The following TRIP12 variants were observed in gnomAD, a reference collection of about 807,000 sequenced individuals.
TRIP12 encodes E3 ubiquitin-protein ligase TRIP12.
TRIP12 carries 25 observed loss-of-function variants against 244.2 expected under a neutral mutation model. That is an observed-to-expected ratio of 0.10 (90% CI 0.07 to 0.14). The LOEUF is 0.14. TRIP12 is among the 10% of genes least tolerant of loss of function. The probability of loss-of-function intolerance (pLI) is 1.00; values close to 1 mark genes in which losing one functional copy is unlikely to be tolerated. For synonymous variants in TRIP12, 905 were observed against 873.1 expected (o/e 1.04, Z -0.64); for missense variants, 1,677 against 2,486.4 (o/e 0.67, Z 6.92).
rs2031297443 is a variant in TRIP12, at chr2:229,764,805, T to C, written c.*2749A>G. ...TTGAAGGCACCACTCCTTTCCATGT[T>C]ATGCACCTAACTCAAACCCAGTAAA... On this transcript the variant is annotated 3_prime_UTR_variant, in exon 42 of 42. Coordinates refer to ENST00000675903, the MANE Select transcript of TRIP12 (RefSeq NM_001348323.3). 1 of 152,252 alleles carries C rather than the reference T, an allele frequency of 6.6e-6. No individual in the cohort carries two copies. The highest frequency in any genetic ancestry group is 2.4e-5 in the African/African-American group (1 of 41,452). The allele number at this position is 152,252 out of a possible 1,614,324, so 9.4% of individuals were successfully genotyped here.
chr2:229,872,104 TAAAAAAAAAAAA>T (rs34496202), intron 2 of TRIP12, among the ~76,000 whole-genome samples: 2,989 of 105,270 alleles, frequency 0.028, 72 homozygotes, highest in African/African-American at 0.044. Context: ...ACAGATATTG[TAAAAAAAAAAAA>T]AAAAAAAAAA....
At chr2:229,862,712 G>A (rs1439787202) in intron 2 of TRIP12, among the ~76,000 whole-genome samples, 1 of 152,144 alleles carries the variant, frequency 6.6e-6, no homozygotes, top group Non-Finnish European at 1.5e-5. Flanking sequence ...GGTGAGGTCT[G>A]GGGCAGCAGC....
intron 17 of TRIP12, 71 bp from the exon 18 acceptor site, chr2:229,805,954 C>T: frequency 8.0e-7 from 1 of 1,256,638 alleles, no homozygotes; most frequent in Non-Finnish European, 1.1e-6. Flanking sequence ...ACAGTGGGGA[C>T]CCTCCAAATA....
At chr2:229,881,914 T>A (rs2064964494) in intron 1 of TRIP12, among the ~76,000 whole-genome samples, 1 of 152,188 alleles carries the variant, frequency 6.6e-6, no homozygotes, top group Admixed American at 6.5e-5. Flanking sequence ...ATGGAAGAAA[T>A]CATTTTTGTT....
In TRIP12 at chr2:229,859,014, G is replaced by A. The variant is rs2154335966; in HGVS notation, c.785C>T (p.Ala262Val). The part of the protein sequence containing the change: ...ASASSTVPPG[A>V]RVKQGKDQNK... ...CTGATCTTTTCCTTGTTTCACTCTG[G>A]CACCTGGTGGTACAGTGGAGGAGGC... is the stretch of plus-strand genomic sequence containing the variant. Residue 262 changes from alanine to valine, a missense_variant, in exon 4 of 42, where the codon GCC becomes GTC. Around this residue, in one of 11 missense-constraint regions of TRIP12, gnomAD observed 387 missense variants for 392.6 expected, o/e 0.99. Coordinates refer to ENST00000675903, the MANE Select transcript of TRIP12 (RefSeq NM_001348323.3). 6.2e-7 allele frequency: 1 copy of A among 1,614,190 alleles called. No homozygotes were observed. The highest frequency in any genetic ancestry group is 8.5e-7 in the Non-Finnish European group (1 of 1,180,042).
At chr2:229,809,702 CAGG>C (rs2046797684) in intron 15 of TRIP12, among the ~76,000 whole-genome samples, 1 of 151,948 alleles carries the variant, frequency 6.6e-6, no homozygotes, top group Admixed American at 6.6e-5. Context: ...GCACTTTCTT[CAGG>C]ACCACTCAAA....
At position 229,778,609 on chromosome 2, in the gene TRIP12, A is replaced by T. The variant is rs767221808; in HGVS notation, c.5210-22T>A. 1.2e-6 allele frequency: 2 copies of T among 1,600,598 alleles called. No homozygotes were observed. The highest frequency in any genetic ancestry group is 1.7e-6 in the Non-Finnish European group (2 of 1,173,624). On this transcript the variant is annotated intron_variant, in intron 35 of 41. Coordinates refer to ENST00000675903, the MANE Select transcript of TRIP12 (RefSeq NM_001348323.3). The surrounding 1 kb of genome is among the most constrained non-coding windows in gnomAD (Gnocchi z 4.1). ...CTCCCTGAAAAACAAGCAATGCAGC[A>T]AACTTCAGATGATGTTTCCAAAAAC...
intron 2 of TRIP12, among the ~76,000 whole-genome samples, 192 bp downstream of exon 2, chr2:229,879,790 T>G (rs2064435125): frequency 6.6e-6 from 1 of 152,242 alleles, no homozygotes; most frequent in African/African-American, 2.4e-5. Flanking sequence ...ACTACTTCTT[T>G]GAGTCTAGCA....
rs1456186961 is a variant in TRIP12, at chr2:229,859,274, A to AGCC, written c.522_524dup (p.Ala175dup). On this transcript the variant is annotated inframe_insertion, in exon 4 of 42. Transcript: ENST00000675903. Reference sequence around the variant, plus strand: ...CAGTGGCCCCACTCTTCCTGGTATGAGCCTTGCTTGTTGATGGTGATTGTG... The same window carrying AGCC: ...CAGTGGCCCCACTCTTCCTGGTATGAGCCGCCTTGCTTGTTGATGGTGATTGTG... 3 of 1,614,104 alleles carry AGCC rather than the reference A, an allele frequency of 1.9e-6. No homozygotes were observed. The highest frequency in any genetic ancestry group is 2.5e-6 in the Non-Finnish European group (3 of 1,180,020).
intron 4 of TRIP12, among the ~76,000 whole-genome samples, chr2:229,842,140 G>A (rs376761272): frequency 2.0e-5 from 3 of 152,066 alleles, no homozygotes; most frequent in East Asian, 3.8e-4. Flanking sequence ...AATAACTTTC[G>A]TGAAAGATTA....
intron 1 of TRIP12, among the ~76,000 whole-genome samples, chr2:229,915,028 G>C (rs2075105563): frequency 6.6e-6 from 1 of 152,202 alleles, no homozygotes; most frequent in African/African-American, 2.4e-5. Flanking sequence ...CAAGGCGGGT[G>C]TATCACGTGA....
upstream of TRIP12, chr2:229,922,741 G>T: frequency 1.1e-6 from 1 of 881,454 alleles, no homozygotes; most frequent in South Asian, 1.7e-5. Flanking sequence ...TCCGCGCCGG[G>T]AGATTTTCCT....
chr2:229,904,635 G>T (rs1337348107), intron 1 of TRIP12, among the ~76,000 whole-genome samples: 1 of 151,996 alleles, frequency 6.6e-6, no homozygotes, highest in East Asian at 1.9e-4. Flanking sequence ...GGTTATATGA[G>T]GTGGCAAAAT....
chr2:229,880,810 G>C (rs2064691475), intron 1 of TRIP12, among the ~76,000 whole-genome samples: 1 of 152,088 alleles, frequency 6.6e-6, no homozygotes, highest in South Asian at 2.1e-4. Flanking sequence ...CAGGTGTGGT[G>C]GCGCACATTT....
intron 25 of TRIP12, among the ~76,000 whole-genome samples, chr2:229,795,868 A>C (rs905568442): frequency 1.4e-4 from 21 of 152,238 alleles, no homozygotes; most frequent in Admixed American, 1.3e-3. Flanking sequence ...ACTTTGCTTT[A>C]GGTTGACTCA....
upstream of TRIP12, among the ~76,000 whole-genome samples, chr2:229,922,920 C>G (rs908904809): frequency 1.2e-4 from 18 of 152,206 alleles, no homozygotes; most frequent in African/African-American, 4.3e-4. Flanking sequence ...AAACGGGCGT[C>G]TCCGGCTTGC....
chr2:229,784,535 G>A (rs567459963), intron 34 of TRIP12, among the ~76,000 whole-genome samples: 1,672 of 138,494 alleles, frequency 0.012, 16 homozygotes, highest in Middle Eastern at 0.024. Flanking sequence ...AAAGATAAAT[G>A]GATTTCATCA....
chr2:229,892,116 T>A (rs1327983962), intron 1 of TRIP12, among the ~76,000 whole-genome samples: 1 of 152,098 alleles, frequency 6.6e-6, no homozygotes, highest in Non-Finnish European at 1.5e-5. Context: ...CTCACCTCAA[T>A]TGGAAAGAGA....
intron 13 of TRIP12, among the ~76,000 whole-genome samples, chr2:229,811,535 T>C (rs2047246760): frequency 6.6e-6 from 1 of 152,134 alleles, no homozygotes; most frequent in Admixed American, 6.5e-5. Flanking sequence ...CCTACTTTCC[T>C]TTAAAACCAT....
Sources: allele counts gnomAD v4.1 joint callset (sites outside exome capture counted in the v4.1 genomes callset), GRCh38; gene constraint gnomAD v4.1.1; regional missense constraint gnomAD v4.1.1; non-coding constraint Gnocchi (gnomAD v3.1); transcripts MANE v1.5; gene names NCBI Gene and HGNC (gene_info 2026-07-23, HGNC 2026-07-21).